The following CSMD2 variants were observed in gnomAD, a reference collection of about 807,000 sequenced individuals.
CSMD2 encodes CUB and sushi domain-containing protein 2.
A neutral mutation model predicts 398.5 loss-of-function variants in CSMD2; 130 were observed. The observed-to-expected ratio is 0.33, with a 90% CI of 0.28 to 0.38. The LOEUF (loss-of-function observed/expected upper bound fraction) is 0.38, where lower values mean the gene tolerates loss of function less well. Ranked by LOEUF, CSMD2 falls within the 10% of genes least tolerant of loss-of-function variation. The probability of loss-of-function intolerance (pLI) is 1.00; values close to 1 mark genes in which losing one functional copy is unlikely to be tolerated. For missense variants in CSMD2, 3,829 were observed against 4,764.9 expected (o/e 0.80, Z 5.78); for synonymous variants, 1,828 against 1,908.5 (o/e 0.96, Z 1.10).
At chr1:33,600,555 A>G (rs1640145613) in intron 44 of CSMD2, 1 of 515,000 alleles carries the variant, frequency 1.9e-6, no homozygotes. Flanking sequence ...AAGCTGGGGC[A>G]CAGGTATAGG....
intron 64 of CSMD2, among the ~76,000 whole-genome samples, chr1:33,530,431 A>T (rs34556246): frequency 4.2e-4 from 64 of 152,338 alleles, no homozygotes; most frequent in Non-Finnish European, 7.6e-4. Flanking sequence ...ATTATAAATA[A>T]GATTAAAGAT....
At chr1:33,524,630 G>T (rs1474216717) in intron 66 of CSMD2, among the ~76,000 whole-genome samples, 1 of 152,086 alleles carries the variant, frequency 6.6e-6, no homozygotes, top group Non-Finnish European at 1.5e-5. Context: ...GTTCAGTTTA[G>T]GGATATCAGT....
intron 22 of CSMD2, among the ~76,000 whole-genome samples, chr1:33,707,206 G>A (rs551711096): frequency 6.8e-4 from 104 of 152,310 alleles, no homozygotes; most frequent in African/African-American, 2.4e-3. Context: ...CATTTCTGCT[G>A]GCTCTATCAG....
At chr1:33,858,699 G>A (rs575381122) in intron 5 of CSMD2, among the ~76,000 whole-genome samples, 6 of 152,258 alleles carry the variant, frequency 3.9e-5, no homozygotes, top group East Asian at 3.9e-4. Context: ...ACTATGTAGC[G>A]ATCCAAGTGA....
Position 34,117,069 on chromosome 1 carries a change from T to G in CSMD2, c.188-27876A>C, listed in dbSNP as rs563514486. ...ATGATCTCAAATCAATAACCTAACTTTACATGTAAAAGAACTAGAGAAAGA... is the reference window on the plus strand; with the variant it reads ...ATGATCTCAAATCAATAACCTAACTGTACATGTAAAAGAACTAGAGAAAGA... On this transcript the variant is annotated intron_variant, in intron 1 of 70. Transcript: ENST00000373381. Among the ~76,000 whole-genome samples the G allele has an allele frequency of 2.0e-5, 3 of 151,868 alleles. No individual in the cohort carries two copies. In the South Asian group the frequency reaches 6.2e-4, roughly 32 times the overall value.
At chr1:34,064,861 G>T (rs1228635694) in intron 2 of CSMD2, among the ~76,000 whole-genome samples, 1 of 152,126 alleles carries the variant, frequency 6.6e-6, no homozygotes, top group African/African-American at 2.4e-5. Flanking sequence ...GTCATGGCAG[G>T]AGGCGAAAGG....
intron 44 of CSMD2, chr1:33,599,932 G>A (rs1640099431): frequency 6.9e-6 from 4 of 578,130 alleles, no homozygotes; most frequent in Non-Finnish European, 1.2e-5. Flanking sequence ...AGCAGATACT[G>A]TAGCAGATAC....
At chr1:33,890,232 C>CTTTTTTTTTTT (rs11417145) in intron 5 of CSMD2, among the ~76,000 whole-genome samples, 1 of 130,422 alleles carries the variant, frequency 7.7e-6, no homozygotes, top group African/African-American at 2.9e-5. Context: ...CTTTTTCTTT[C>CTTTTTTTTTTT]TTTTTTTTTT....
Position 33,763,199 on chromosome 1 carries a change from GAGGAATTCAAGAA to G in CSMD2, c.1846+9357_1846+9369del, listed in dbSNP as rs1178674449. ...GAGCTCAAGCCTTCCCATTAGCCCAGAGGAATTCAAGAAAGGAATTCAAGAGACAAATTCAAGG... is the reference window on the plus strand; with the variant it reads ...GAGCTCAAGCCTTCCCATTAGCCCAGAGGAATTCAAGAGACAAATTCAAGG... On this transcript the variant is annotated intron_variant, in intron 13 of 70. Transcript: ENST00000373381. Among the ~76,000 whole-genome samples the G allele has an allele frequency of 1.3e-4, 20 of 152,152 alleles. 1 individual carries two copies. The highest frequency in any genetic ancestry group is 1.0e-3 in the Admixed American group (16 of 15,288).
chr1:33,924,903 T>A (rs987263360), intron 4 of CSMD2, among the ~76,000 whole-genome samples: 2 of 152,196 alleles, frequency 1.3e-5, no homozygotes, highest in African/African-American at 4.8e-5. Context: ...TATTATTATT[T>A]TTTTGCTGTT....
intron 5 of CSMD2, among the ~76,000 whole-genome samples, chr1:33,903,792 T>G (rs1380050963): frequency 2.0e-5 from 3 of 152,224 alleles, no homozygotes; most frequent in Non-Finnish European, 2.9e-5. Flanking sequence ...CAAGGGTTAC[T>G]TTAGGCTGCA....
At chr1:33,782,602 C>T (rs557272656) in intron 12 of CSMD2, among the ~76,000 whole-genome samples, 1 of 152,280 alleles carries the variant, frequency 6.6e-6, no homozygotes, top group Admixed American at 6.5e-5. Context: ...CATCTGTGCA[C>T]TAGGAAGGTG....
intron 1 of CSMD2, among the ~76,000 whole-genome samples, chr1:34,150,745 T>C (rs1640235957): frequency 6.6e-6 from 1 of 151,826 alleles, no homozygotes; most frequent in Non-Finnish European, 1.5e-5. Flanking sequence ...AGACCCCCAT[T>C]TCTACAAAAA....
chr1:34,029,615 T>C (rs923763397), intron 3 of CSMD2, among the ~76,000 whole-genome samples: 1 of 152,238 alleles, frequency 6.6e-6, no homozygotes, highest in Non-Finnish European at 1.5e-5. Context: ...GCTTCAGTGA[T>C]AGCCACAGCC....
chr1:33,902,001 T>G (rs1642790024), intron 5 of CSMD2, among the ~76,000 whole-genome samples: 1 of 152,146 alleles, frequency 6.6e-6, no homozygotes, highest in Non-Finnish European at 1.5e-5. Context: ...TTAAATCTAT[T>G]TCAGAACACC....
At chr1:33,610,796 G>A (rs1640944153) in intron 41 of CSMD2, among the ~76,000 whole-genome samples, 1 of 151,968 alleles carries the variant, frequency 6.6e-6, no homozygotes, top group African/African-American at 2.4e-5. Flanking sequence ...CAGCTGTACA[G>A]AGTGGGAGCC....
chr1:33,967,937 G>A (rs142851088), intron 3 of CSMD2, among the ~76,000 whole-genome samples: 6 of 152,244 alleles, frequency 3.9e-5, no homozygotes, highest in Non-Finnish European at 7.4e-5. Context: ...TCTGCAAGGC[G>A]GTCAGAAACC....
chr1:33,714,844 G>T, intron 20 of CSMD2, 69 bp from the exon 21 acceptor site: 1 of 1,505,956 alleles, frequency 6.6e-7, no homozygotes, highest in Admixed American at 1.8e-5. Flanking sequence ...AGATGGGAAC[G>T]CACAGGCAAA....
chr1:33,950,437 T>C (rs1644972619), intron 3 of CSMD2, among the ~76,000 whole-genome samples: 1 of 141,036 alleles, frequency 7.1e-6, no homozygotes, highest in Non-Finnish European at 1.5e-5. Flanking sequence ...AGTTTGTGTC[T>C]ATAGTCATGC....
Sources: allele counts gnomAD v4.1 joint callset (sites outside exome capture counted in the v4.1 genomes callset), GRCh38; gene constraint gnomAD v4.1.1; transcripts MANE v1.5; gene names NCBI Gene and HGNC (gene_info 2026-07-23, HGNC 2026-07-21).